The following CPA6 variants were observed in gnomAD, a reference collection of about 807,000 sequenced individuals.
CPA6 encodes carboxypeptidase B.
A neutral mutation model predicts 63.3 loss-of-function variants in CPA6; 58 were observed. The observed-to-expected ratio is 0.92, with a 90% CI of 0.74 to 1.14. The LOEUF is 1.14. Among genes scored for constraint, CPA6 ranks in the 50% most tolerant of loss-of-function variants. The pLI is 0.00. For synonymous variants in CPA6, 185 were observed against 179.0 expected (o/e 1.03, Z -0.27); for missense variants, 565 against 526.6 (o/e 1.07, Z -0.71).
intron 6 of CPA6, among the ~76,000 whole-genome samples, chr8:67,498,535 C>CAAAAAAAAA (rs397940852): frequency 6.0e-5 from 2 of 33,186 alleles, no homozygotes; most frequent in Admixed American, 9.2e-4. Context: ...GACTCCATCT[C>CAAAAAAAAA]AAAAAAAAAA....
chr8:67,555,449 C>T (rs922346200), intron 2 of CPA6, among the ~76,000 whole-genome samples: 2 of 152,278 alleles, frequency 1.3e-5, no homozygotes, highest in African/African-American at 2.4e-5. Flanking sequence ...GAAGGTTGCA[C>T]CCAAAGAGGA....
intron 1 of CPA6, among the ~76,000 whole-genome samples, chr8:67,643,072 A>T (rs1208722049): frequency 6.6e-6 from 1 of 152,208 alleles, no homozygotes; most frequent in Admixed American, 6.5e-5. Flanking sequence ...ATCAATATGA[A>T]AAAGATGCAT....
At chr8:67,439,676 A>C (rs952826356) in intron 8 of CPA6, among the ~76,000 whole-genome samples, 1 of 152,230 alleles carries the variant, frequency 6.6e-6, no homozygotes, top group Non-Finnish European at 1.5e-5. Context: ...GACGGCAGAA[A>C]TAAGTCTTAA....
chr8:67,510,360 T>C (rs1812017788), intron 4 of CPA6, among the ~76,000 whole-genome samples: 1 of 152,150 alleles, frequency 6.6e-6, no homozygotes, highest in Admixed American at 6.5e-5. Flanking sequence ...AAAGTACCCA[T>C]ATATTCTTTT....
intron 2 of CPA6, among the ~76,000 whole-genome samples, chr8:67,529,314 T>C (rs528367108): frequency 6.6e-6 from 1 of 152,258 alleles, no homozygotes; most frequent in Non-Finnish European, 1.5e-5. Context: ...AAATTAGAAA[T>C]GACTTGGCTG....
At position 67,607,251 on chromosome 8, in the gene CPA6, TCTC is replaced by T. The variant is rs1307098146; in HGVS notation, c.192+16922_192+16924del. Among the ~76,000 whole-genome samples the T allele has an allele frequency of 3.5e-4, 28 of 81,152 alleles. 1 individual carries two copies. The highest frequency in any genetic ancestry group is 5.3e-4 in the Non-Finnish European group (23 of 43,030). The allele number at this position is 81,152 out of a possible 152,430, so 53.2% of individuals were successfully genotyped here. A position where few individuals can be genotyped will look rare whatever the true frequency, so the allele number is the denominator to read the frequency against. ...TTCTTCTTCTTCTTCTTCTTCTTCT[TCTC>T]CTCCTCCTCCTTTCTTCTTTCTTCT... On this transcript the variant is annotated intron_variant, in intron 2 of 10. Coordinates refer to ENST00000297770, the MANE Select transcript of CPA6 (RefSeq NM_020361.5).
intron 2 of CPA6, among the ~76,000 whole-genome samples, chr8:67,610,769 CT>C (rs199992298): frequency 5.3e-5 from 8 of 151,312 alleles, no homozygotes; most frequent in Non-Finnish European, 7.4e-5. Context: ...CAACAAAAAC[CT>C]TTTTTTTTGA....
chr8:67,616,607 T>C (rs1042030409), intron 2 of CPA6, among the ~76,000 whole-genome samples: 23 of 151,592 alleles, frequency 1.5e-4, no homozygotes, highest in African/African-American at 5.6e-4. Context: ...GACCACAGAC[T>C]CTCTTGTACA....
intron 2 of CPA6, among the ~76,000 whole-genome samples, chr8:67,581,408 T>C (rs931549061): frequency 1.3e-5 from 2 of 152,222 alleles, no homozygotes; most frequent in Non-Finnish European, 2.9e-5. Flanking sequence ...TGATTAATAC[T>C]GACATGGTAG....
chr8:67,475,903 TTTC>T (rs1250453494), intron 8 of CPA6, among the ~76,000 whole-genome samples: 6 of 97,268 alleles, frequency 6.2e-5, no homozygotes, highest in African/African-American at 2.8e-4. Flanking sequence ...TCTTTCTTTC[TTTC>T]TTTCTTTCTT....
intron 8 of CPA6, among the ~76,000 whole-genome samples, chr8:67,461,699 C>T (rs751425223): frequency 4.9e-4 from 75 of 152,006 alleles, no homozygotes; most frequent in Admixed American, 1.2e-3. Context: ...GGCTGACCCC[C>T]CCACTTCCCT....
chr8:67,527,997 A>G (rs1184476380), intron 2 of CPA6, among the ~76,000 whole-genome samples: 1 of 152,172 alleles, frequency 6.6e-6, no homozygotes, highest in African/African-American at 2.4e-5. Context: ...GAACAGGCTG[A>G]TTTCCAAAAG....
intron 2 of CPA6, among the ~76,000 whole-genome samples, chr8:67,565,261 A>G (rs1813310328): frequency 6.6e-6 from 1 of 151,850 alleles, no homozygotes; most frequent in Non-Finnish European, 1.5e-5. Context: ...ACCCAGTTGT[A>G]GAGATTGAGA....
chr8:67,483,101 A>G (rs1338873624), intron 8 of CPA6, among the ~76,000 whole-genome samples: 2 of 152,216 alleles, frequency 1.3e-5, no homozygotes, highest in East Asian at 3.9e-4. Flanking sequence ...ATACAAAGGC[A>G]GCTCCTAACG....
At chr8:67,623,729 C>T (rs1353416957) in intron 2 of CPA6, among the ~76,000 whole-genome samples, 1 of 152,172 alleles carries the variant, frequency 6.6e-6, no homozygotes, top group Non-Finnish European at 1.5e-5. Flanking sequence ...CCACTGCACA[C>T]AGCCAGAAAA....
chr8:67,706,365 T>C (rs1817135380), intron 1 of CPA6, among the ~76,000 whole-genome samples: 1 of 152,166 alleles, frequency 6.6e-6, no homozygotes, highest in Admixed American at 6.5e-5. Context: ...TACCAGGTTT[T>C]TCACCAAAAG....
chr8:67,522,377 T>C (rs1027930993), intron 2 of CPA6, among the ~76,000 whole-genome samples: 2 of 152,204 alleles, frequency 1.3e-5, no homozygotes, highest in African/African-American at 4.8e-5. Context: ...CCAGTGTCAG[T>C]GTACCTCATT....
chr8:67,667,816 A>C (rs1411780564), intron 1 of CPA6, among the ~76,000 whole-genome samples: 1 of 152,244 alleles, frequency 6.6e-6, no homozygotes, highest in African/African-American at 2.4e-5. Context: ...AGTGGCTGCC[A>C]AGACTGGGCT....
At chr8:67,735,922 A>G (rs1241681232) in intron 1 of CPA6, among the ~76,000 whole-genome samples, 2 of 152,116 alleles carry the variant, frequency 1.3e-5, no homozygotes, top group Non-Finnish European at 2.9e-5. Context: ...CCAGGGGCAC[A>G]TTGCAGGTAA....
Sources: gnomAD v4.1 joint callset for allele counts (sites outside exome capture counted in the v4.1 genomes callset) on GRCh38, gnomAD v4.1.1 for gene constraint, MANE v1.5 for transcripts, NCBI Gene and HGNC (gene_info 2026-07-23, HGNC 2026-07-21) for gene names.